Variants in KLRG1 observed in about 807,000 individuals in gnomAD.
KLRG1 encodes killer cell lectin like receptor G1.
A neutral mutation model predicts 21.8 loss-of-function variants in KLRG1; 16 were observed. The observed-to-expected ratio is 0.73, with a 90% CI of 0.50 to 1.11. The LOEUF is 1.11. KLRG1 is among the 50% of genes most tolerant of loss of function. The pLI, the probability that KLRG1 is intolerant of heterozygous loss-of-function variation, is 0.00. For synonymous variants in KLRG1, 69 were observed against 75.9 expected (o/e 0.91, Z 0.47); for missense variants, 173 against 218.3 (o/e 0.79, Z 1.31).
At chr12:9,056,985 A>C in the KLRG1 span, among the ~76,000 whole-genome samples, 1 of 152,128 alleles carries the variant, frequency 6.6e-6, no homozygotes, top group Admixed American at 6.5e-5. Context: ...TTTAAGATTT[A>C]TGTATGCCTT....
the KLRG1 span, among the ~76,000 whole-genome samples, chr12:9,173,963 G>A: frequency 6.6e-5 from 10 of 152,088 alleles, no homozygotes; most frequent in Non-Finnish European, 1.3e-4. Flanking sequence ...GGGACTCCTC[G>A]CTAACTCATT....
the KLRG1 span, chr12:9,197,119 T>C: frequency 2.5e-6 from 4 of 1,596,846 alleles, no homozygotes; most frequent in Admixed American, 1.7e-5. Flanking sequence ...TTCCCATAAG[T>C]GTATCTGGTA....
At chr12:9,130,760 C>G in the KLRG1 span, among the ~76,000 whole-genome samples, 1 of 151,588 alleles carries the variant, frequency 6.6e-6, no homozygotes, top group African/African-American at 2.4e-5. Flanking sequence ...GCCCTTCACT[C>G]TTTTGATTGT....
chr12:9,163,625 G>T, the KLRG1 span: 1 of 1,604,538 alleles, frequency 6.2e-7, no homozygotes, highest in Non-Finnish European at 8.5e-7. Context: ...ACCGCCCGGT[G>T]TTGCATTCTT....
At chr12:9,098,644 A>C in the KLRG1 span, 1 of 1,609,228 alleles carries the variant, frequency 6.2e-7, no homozygotes, top group Non-Finnish European at 8.5e-7. Flanking sequence ...CTTCATGAGC[A>C]GCACGCTTTG....
the KLRG1 span, chr12:9,079,671 A>G: frequency 6.2e-7 from 1 of 1,613,656 alleles, no homozygotes; most frequent in Admixed American, 1.7e-5. Context: ...CTTGGACTTG[A>G]TCTCTGGAGT....
chr12:9,112,234 G>A, the KLRG1 span: 16 of 1,613,620 alleles, frequency 9.9e-6, no homozygotes, highest in Non-Finnish European at 1.3e-5. Flanking sequence ...TATTTTTCAT[G>A]AGCCCCCAAA....
chr12:9,138,475 T>C, the KLRG1 span, among the ~76,000 whole-genome samples: 11 of 152,092 alleles, frequency 7.2e-5, no homozygotes, highest in Admixed American at 7.2e-4. Flanking sequence ...TTTTTTTTCT[T>C]GTAGTGTCCT....
At chr12:9,157,633 A>G in the KLRG1 span, 1 of 824,940 alleles carries the variant, frequency 1.2e-6, no homozygotes, top group Non-Finnish European at 1.9e-6. Flanking sequence ...GCATCAACCA[A>G]AGAGCTTATC....
the KLRG1 span, among the ~76,000 whole-genome samples, chr12:9,070,151 C>T: frequency 6.6e-6 from 1 of 152,066 alleles, no homozygotes; most frequent in Non-Finnish European, 1.5e-5. Context: ...CTTTTAACTT[C>T]TGTAATACTT....
the KLRG1 span, among the ~76,000 whole-genome samples, chr12:9,146,709 C>T: frequency 4.6e-5 from 7 of 152,142 alleles, no homozygotes; most frequent in Admixed American, 4.6e-4. Context: ...CCTTTCTCTT[C>T]TCAGGGAGAA....
At chr12:9,006,358 G>T (rs1947472970) in intron 3 of KLRG1, among the ~76,000 whole-genome samples, 1 of 152,168 alleles carries the variant, frequency 6.6e-6, no homozygotes, top group African/African-American at 2.4e-5. Context: ...CTGATTGACA[G>T]CCATGTAGAA....
chr12:9,064,246 A>AT, the KLRG1 span: 1 of 152,454 alleles, frequency 6.6e-6, no homozygotes, highest in Non-Finnish European at 1.5e-5. The surrounding 1 kb of genome is among the most constrained non-coding windows in gnomAD (Gnocchi z 4.0). Flanking sequence ...CTCTGCTTCA[A>AT]TTTCATTTGT....
At chr12:9,118,668 C>T in the KLRG1 span, among the ~76,000 whole-genome samples, 2 of 152,202 alleles carry the variant, frequency 1.3e-5, no homozygotes, top group Non-Finnish European at 2.9e-5. Flanking sequence ...ATTTCTGTCT[C>T]AATCATCTGT....
chr12:9,202,757 A>G, the KLRG1 span: 37 of 1,411,030 alleles, frequency 2.6e-5, no homozygotes, highest in Non-Finnish European at 3.6e-5. Context: ...AGTCATTGCT[A>G]TTTCCTATCT....
the KLRG1 span, chr12:9,074,566 G>A: frequency 3.1e-6 from 5 of 1,609,632 alleles, no homozygotes; most frequent in Non-Finnish European, 4.2e-6. Context: ...CAACCTGGGT[G>A]GAGGAGAAAC....
chr12:9,186,027 C>T, the KLRG1 span, among the ~76,000 whole-genome samples: 6 of 151,958 alleles, frequency 3.9e-5, no homozygotes, highest in East Asian at 1.9e-4. Flanking sequence ...AGGATGGTCT[C>T]GATCTCCTGA....
chr12:9,168,948 G>GT, the KLRG1 span: 1 of 1,613,850 alleles, frequency 6.2e-7, no homozygotes, highest in Admixed American at 1.7e-5. Context: ...GGATTTTTGA[G>GT]TTAGTGAACA....
chr12:9,007,101 G>C (rs1047255187), intron 3 of KLRG1, among the ~76,000 whole-genome samples: 5 of 152,156 alleles, frequency 3.3e-5, no homozygotes, highest in African/African-American at 4.8e-5. Flanking sequence ...CAAATGCTTT[G>C]TCTAGGAGCC....
Sources: allele counts gnomAD v4.1 joint callset (sites outside exome capture counted in the v4.1 genomes callset), GRCh38; gene constraint gnomAD v4.1.1; non-coding constraint Gnocchi (gnomAD v3.1); transcripts MANE v1.5; gene names NCBI Gene and HGNC (gene_info 2026-07-23, HGNC 2026-07-21).